Variants in KCNH5 observed in about 807,000 individuals in gnomAD.
KCNH5 encodes voltage-gated delayed rectifier potassium channel KCNH5.
A neutral mutation model predicts 96.1 loss-of-function variants in KCNH5; 46 were observed. That is an observed-to-expected ratio of 0.48 (90% CI 0.38 to 0.61). KCNH5 has a LOEUF of 0.61. Ranked by LOEUF, KCNH5 falls within the 20% of genes least tolerant of loss-of-function variation. The probability of loss-of-function intolerance (pLI) is 0.00; values close to 1 mark genes in which losing one functional copy is unlikely to be tolerated. For missense variants in KCNH5, 907 were observed against 1,225.8 expected (o/e 0.74, Z 3.88); for synonymous variants, 439 against 449.8 (o/e 0.98, Z 0.30).
At chr14:63,028,613 T>C (rs1159314692) in intron 1 of KCNH5, among the ~76,000 whole-genome samples, 1 of 152,206 alleles carries the variant, frequency 6.6e-6, no homozygotes, top group South Asian at 2.1e-4. Context: ...TCTGTCTCTT[T>C]TTTTTGCTTT....
At position 62,934,528 on chromosome 14, in the gene KCNH5, G is replaced by T. The variant is rs1889641631; in HGVS notation, c.1369+15605C>A. On this transcript the variant is annotated intron_variant, in intron 7 of 10. Coordinates refer to ENST00000322893, the MANE Select transcript of KCNH5 (RefSeq NM_139318.5). Reference sequence around the variant, plus strand: ...AGTATGGCAAGTGCATTTATGCCAGGCCTCAGCATGATCGAGGATGAGGGA... The same window carrying T: ...AGTATGGCAAGTGCATTTATGCCAGTCCTCAGCATGATCGAGGATGAGGGA... Among the ~76,000 whole-genome samples the T allele has an allele frequency of 2.6e-5, 4 of 152,146 alleles. No individual in the cohort carries two copies. The South Asian group carries it at 8.3e-4, about 32-fold the overall frequency.
chr14:62,847,480 A>G (rs184379385), intron 8 of KCNH5, among the ~76,000 whole-genome samples: 1 of 152,098 alleles, frequency 6.6e-6, no homozygotes, highest in Non-Finnish European at 1.5e-5. Context: ...ATAGACTGGG[A>G]TAAATCAATA....
rs146170869 is a variant in KCNH5 at position 62,776,897 on chromosome 14, T to C, written c.2019+2831A>G. On this transcript the variant is annotated intron_variant, in intron 10 of 10. Coordinates refer to ENST00000322893, the MANE Select transcript of KCNH5 (RefSeq NM_139318.5). Reference sequence around the variant, plus strand: ...TGGAAAGCCACACACTATTCAAACCTCTCCACTGAGCCACTGGATACACAT... The same window carrying C: ...TGGAAAGCCACACACTATTCAAACCCCTCCACTGAGCCACTGGATACACAT... Among the ~76,000 whole-genome samples, 781 of 152,168 alleles carry C rather than the reference T, an allele frequency of 5.1e-3. 6 individuals carry two copies. Among genetic ancestry groups the C allele is most frequent in the African/African-American group, 0.018 (755 of 41,528 alleles).
At chr14:62,834,280 C>G (rs189353809) in intron 8 of KCNH5, among the ~76,000 whole-genome samples, 2 of 151,848 alleles carry the variant, frequency 1.3e-5, no homozygotes, top group African/African-American at 4.8e-5. Context: ...TCATAACTAC[C>G]TATTCATGGC....
chr14:62,779,963 A>G lies in KCNH5; in HGVS notation c.1823-39T>C, dbSNP rs575338843. The G allele has an allele frequency of 1.3e-5, 19 of 1,514,148 alleles. No individual in the cohort carries two copies. The South Asian group carries it at 1.7e-4, about 14-fold the overall frequency. 93.8% of individuals were successfully genotyped at this position (1,514,148 alleles called of 1,614,324 possible). The stretch of plus-strand genomic sequence containing the variant: ...TAAGATACATATTCAAGTATCTAAC[A>G]CTGTTCTTATTTAATCACTCTTGTT... On this transcript the variant is annotated intron_variant, in intron 9 of 10. Transcript: ENST00000322893.
rs1273909889 is a variant in KCNH5, at chr14:62,773,104, C to T, written c.2019+6624G>A. On this transcript the variant is annotated intron_variant, in intron 10 of 10. Coordinates refer to ENST00000322893, the MANE Select transcript of KCNH5 (RefSeq NM_139318.5). ...ATTGGATTTTACTGACAATCTTCTT[C>T]GAAATGCTTTTATTCTAGGTTAAAT... Among the ~76,000 whole-genome samples the T allele has an allele frequency of 3.9e-5, 6 of 152,128 alleles. No individual in the cohort carries two copies. The East Asian group carries it at 5.8e-4, about 15-fold the overall frequency.
chr14:62,708,513 G>T, intron 10 of KCNH5, 58 bp from the exon 11 acceptor site: 1 of 1,061,568 alleles, frequency 9.4e-7, no homozygotes, highest in Non-Finnish European at 1.4e-6. Context: ...ATTAACAGTT[G>T]TATAATACTA....
chr14:62,819,357 T>C (rs1363503156), intron 8 of KCNH5, among the ~76,000 whole-genome samples: 3 of 152,144 alleles, frequency 2.0e-5, no homozygotes, highest in African/African-American at 4.8e-5. Flanking sequence ...AGGAATCCAG[T>C]AACAAAAGAC....
At chr14:63,036,264 A>G (rs1891719425) in intron 1 of KCNH5, among the ~76,000 whole-genome samples, 1 of 152,204 alleles carries the variant, frequency 6.6e-6, no homozygotes, top group South Asian at 2.1e-4. Context: ...CACTGGCTGT[A>G]TATGATGTCA....
chr14:62,910,040 C>T (rs538019963), intron 7 of KCNH5, among the ~76,000 whole-genome samples: 2 of 151,750 alleles, frequency 1.3e-5, no homozygotes, highest in East Asian at 3.9e-4. Context: ...AGAATGGTAC[C>T]AGTTCCTGTA....
chr14:62,770,453 T>C (rs189472172), intron 10 of KCNH5, among the ~76,000 whole-genome samples: 1 of 152,254 alleles, frequency 6.6e-6, no homozygotes, highest in Non-Finnish European at 1.5e-5. Context: ...AATACAGGAT[T>C]GCTACTACGC....
chr14:62,875,337 C>A (rs1489437510), intron 7 of KCNH5, among the ~76,000 whole-genome samples: 1 of 151,982 alleles, frequency 6.6e-6, no homozygotes, highest in Non-Finnish European at 1.5e-5. Flanking sequence ...ATTGGAAAAA[C>A]CTACTTTAAA....
rs1176973626 is a variant in KCNH5, at chr14:62,707,623, G to A, written c.2852C>T (p.Ser951Leu). 1.3e-6 allele frequency: 2 copies of A among 1,553,342 alleles called. No individual in the cohort carries two copies. The highest frequency in any genetic ancestry group is 1.7e-6 in the Non-Finnish European group (2 of 1,146,822). ...ILSEKSVPQA[S>L]SPKSQMPLQV... is the part of the protein sequence containing the mutation. The stretch of plus-strand genomic sequence containing the variant: ...GAGTGGCATTTGGGATTTGGGAGAT[G>A]AGGCCTGGGGTACGCTTTTTTCCGA... Residue 951 changes from serine to leucine, a missense_variant, in exon 11 of 11, where the codon TCA (serine) becomes TTA (leucine). By Grantham distance (145) the Ser-to-Leu change is moderately radical. Transcript: ENST00000322893.
At chr14:63,030,793 AT>A (rs1285520183) in intron 1 of KCNH5, among the ~76,000 whole-genome samples, 1 of 152,134 alleles carries the variant, frequency 6.6e-6, no homozygotes, top group Non-Finnish European at 1.5e-5. Context: ...AAAAATAGAG[AT>A]TGTTAAATTC....
intron 3 of KCNH5, 36 bp downstream of exon 3, chr14:63,006,326 TAAAG>T: frequency 8.1e-7 from 1 of 1,240,408 alleles, no homozygotes; most frequent in East Asian, 2.3e-5. Context: ...ATAATATTAA[TAAAG>T]AGTTGGCACA....
At chr14:62,799,239 G>A (rs1172670999) in intron 9 of KCNH5, among the ~76,000 whole-genome samples, 1 of 152,022 alleles carries the variant, frequency 6.6e-6, no homozygotes, top group Non-Finnish European at 1.5e-5. Flanking sequence ...GATAAGATAT[G>A]TTAACCCACC....
intron 6 of KCNH5, among the ~76,000 whole-genome samples, chr14:62,978,099 A>C (rs1890535712): frequency 6.6e-6 from 1 of 152,210 alleles, no homozygotes; most frequent in Non-Finnish European, 1.5e-5. Context: ...GCCTTCAGTT[A>C]ACTGTGTTCA....
At chr14:62,832,441 C>T (rs904524908) in intron 8 of KCNH5, among the ~76,000 whole-genome samples, 1 of 152,074 alleles carries the variant, frequency 6.6e-6, no homozygotes, top group South Asian at 2.1e-4. Context: ...GGCAAGATTT[C>T]CTTCTTTCTA....
rs2139893850 is a variant in KCNH5, at chr14:62,701,884, G to A, written c.*5624C>T. ...CAAGTTGCCATTCTAAACAGAAATA[G>A]TTCATTTGGATAATGTATTTAATAG... On this transcript the variant is annotated 3_prime_UTR_variant, in exon 11 of 11. Transcript: ENST00000322893. 1 of 152,118 alleles carries A rather than the reference G, an allele frequency of 6.6e-6. No individual in the cohort carries two copies. The highest frequency in any genetic ancestry group is 1.5e-5 in the Non-Finnish European group (1 of 67,950). 9.4% of individuals were successfully genotyped at this position (152,118 alleles called of 1,614,324 possible). A position where few individuals can be genotyped will look rare whatever the true frequency, so the allele number is the denominator to read the frequency against.
Sources: allele counts gnomAD v4.1 joint callset (sites outside exome capture counted in the v4.1 genomes callset), GRCh38; gene constraint gnomAD v4.1.1; transcripts MANE v1.5; gene names NCBI Gene and HGNC (gene_info 2026-07-23, HGNC 2026-07-21).